KIF2C: variants seen among roughly 807,000 people sequenced by gnomAD.
The protein encoded by KIF2C is kinesin-like protein KIF2C.
In KIF2C, 34 loss-of-function variants were observed where a neutral mutation model predicts 97.4. The ratio of observed to expected loss-of-function variants is 0.35; its 90% CI spans 0.27 to 0.46. The LOEUF is 0.46. Among genes scored for constraint, KIF2C ranks in the 20% least tolerant of loss-of-function variants. KIF2C has a pLI of 1.00. For missense variants in KIF2C, 750 were observed against 907.6 expected (o/e 0.83, Z 2.23); for synonymous variants, 313 against 318.2 (o/e 0.98, Z 0.17).
rs1557604458 is a variant in KIF2C, at chr1:44,767,092, TC to T, written c.2096-3del. 1.2e-6 allele frequency: 2 copies of T among 1,614,026 alleles called. No homozygotes were observed. Among genetic ancestry groups the T allele is most frequent in the Non-Finnish European group, 1.7e-6 (2 of 1,179,940 alleles). ...CCCCATATGTACCGCTACCCTTTCTTCCAGATGTCATCAAGGCCTTGCGCCT... is the reference window on the plus strand; with the variant it reads ...CCCCATATGTACCGCTACCCTTTCTTCAGATGTCATCAAGGCCTTGCGCCT... On this transcript the variant is annotated splice_region_variant and splice_polypyrimidine_tract_variant and intron_variant, in intron 20 of 20. Transcript: ENST00000372224.
intron 4 of KIF2C, among the ~76,000 whole-genome samples, chr1:44,748,987 T>C (rs1649366683): frequency 6.6e-6 from 1 of 151,978 alleles, no homozygotes; most frequent in African/African-American, 2.4e-5. Flanking sequence ...GCTACACAGC[T>C]CATTTTAATG....
chr1:44,751,507 CTTTTT>C (rs58381189), intron 5 of KIF2C, among the ~76,000 whole-genome samples: 236 of 125,654 alleles, frequency 1.9e-3, no homozygotes, highest in African/African-American at 6.4e-3. Flanking sequence ...TCTTTTTGTA[CTTTTT>C]TTTTTTTTTT....
In KIF2C at chr1:44,753,136, C is replaced by G. The variant is rs748814197; in HGVS notation, c.444C>G (p.Ala148=). ...NSRKQFSVPP[A]PTRPSCPAVA... is the part of the protein sequence containing the mutation. ...GTGACTCTTGTTCCCCTACAGCTGC[C>G]CCCACTAGGCCTTCCTGCCCTGCAG... Residue 148 remains alanine, a synonymous_variant, in exon 6 of 21, where the codon GCC becomes GCG. Transcript: ENST00000372224. The G allele has an allele frequency of 1.2e-6, 2 of 1,611,360 alleles. No individual in the cohort carries two copies. The highest frequency in any genetic ancestry group is 1.7e-6 in the Non-Finnish European group (2 of 1,178,422).
At chr1:44,754,689 A>T in intron 7 of KIF2C, 61 bp from the exon 8 acceptor site, 1 of 940,498 alleles carries the variant, frequency 1.1e-6, no homozygotes, top group Non-Finnish European at 1.8e-6. Context: ...GCTGCCGCAT[A>T]GGGGTCTGAG....
intron 7 of KIF2C, 125 bp downstream of exon 7, chr1:44,753,958 CTTTTTTT>C (rs34685023): frequency 2.6e-3 from 178 of 67,860 alleles, no homozygotes; most frequent in East Asian, 0.011. Context: ...GGCCCCAATT[CTTTTTTT>C]TTTTTTTTTT....
At chr1:44,762,129 A>T in intron 17 of KIF2C, 146 bp downstream of exon 17, 1 of 868,570 alleles carries the variant, frequency 1.2e-6, no homozygotes, top group South Asian at 1.4e-5. Context: ...TTCCGCCGTG[A>T]TGCTAGGTCT....
At chr1:44,741,392 A>G (rs1453161010) in intron 2 of KIF2C, among the ~76,000 whole-genome samples, 1 of 151,852 alleles carries the variant, frequency 6.6e-6, no homozygotes, top group Non-Finnish European at 1.5e-5. Flanking sequence ...AAAAAAAAAA[A>G]AAAAAAAATT....
intron 13 of KIF2C, 41 bp from the exon 14 acceptor site, chr1:44,759,165 G>C: frequency 1.9e-6 from 3 of 1,611,682 alleles, no homozygotes; most frequent in Admixed American, 1.7e-5. Context: ...GGGGTGCCGG[G>C]TGCCCAGTGG....
chr1:44,762,817 C>T (rs1650239395), intron 19 of KIF2C, among the ~76,000 whole-genome samples, 159 bp downstream of exon 19: 1 of 152,186 alleles, frequency 6.6e-6, no homozygotes, highest in African/African-American at 2.4e-5. Flanking sequence ...CCTGTTAACC[C>T]AGCTGTTCTT....
intron 2 of KIF2C, among the ~76,000 whole-genome samples, chr1:44,741,462 A>T (rs1247125662): frequency 6.6e-6 from 1 of 151,350 alleles, no homozygotes; most frequent in Non-Finnish European, 1.5e-5. Flanking sequence ...GGTCTGGAGG[A>T]TTGCTTGAGC....
chr1:44,761,977 C>T lies in KIF2C; in HGVS notation c.1745C>T (p.Ala582Val). 3.1e-6 allele frequency: 5 copies of T among 1,613,656 alleles called. No individual in the cohort carries two copies. The highest frequency in any genetic ancestry group is 4.2e-6 in the Non-Finnish European group (5 of 1,179,584). The change falls in exon 17 of 21, where the codon GCA becomes GTA. Residue 582 changes from alanine to valine, a missense_variant. Transcript: ENST00000372224. ...CEYTLNTLRY[A>V]DRVKELSPHS... Reference sequence around the variant, plus strand: ...TATACTTTAAACACCCTGAGATATGCAGACAGGTACTAGTACCTACAGCTA... The same window carrying T: ...TATACTTTAAACACCCTGAGATATGTAGACAGGTACTAGTACCTACAGCTA...
chr1:44,758,035 G>C lies in KIF2C; in HGVS notation c.1133-14G>C, dbSNP rs762057267. ...AAAGGCAGGTTGTTTGCTTAGCAAA[G>C]TTCTCTCCCTCAGCCCGGGACGTCT... On this transcript the variant is annotated splice_polypyrimidine_tract_variant and intron_variant, in intron 12 of 20. Transcript: ENST00000372224. 6 of 1,614,202 alleles carry C rather than the reference G, an allele frequency of 3.7e-6. No individual in the cohort carries two copies. The Admixed American group carries it at 1.0e-4, about 27-fold the overall frequency.
At chr1:44,740,582 A>T (rs1056792876) in intron 1 of KIF2C, among the ~76,000 whole-genome samples, 2 of 152,268 alleles carry the variant, frequency 1.3e-5, no homozygotes, top group East Asian at 3.9e-4. Flanking sequence ...AGTTCATCTA[A>T]GGGTTGTGGG....
intron 3 of KIF2C, 70 bp downstream of exon 3, chr1:44,747,555 T>C (rs1649273650): frequency 6.4e-7 from 1 of 1,570,788 alleles, no homozygotes; most frequent in East Asian, 2.2e-5. Flanking sequence ...TCTTTGCTGA[T>C]TGATTGTCTG....
At chr1:44,763,855 G>A (rs1273886041) in intron 19 of KIF2C, among the ~76,000 whole-genome samples, 5 of 152,094 alleles carry the variant, frequency 3.3e-5, no homozygotes, top group East Asian at 3.9e-4. Context: ...CCAACGTGGC[G>A]AAACCCCATG....
intron 2 of KIF2C, among the ~76,000 whole-genome samples, chr1:44,746,988 C>A (rs965343005): frequency 1.3e-5 from 2 of 151,816 alleles, no homozygotes; most frequent in African/African-American, 4.8e-5. Flanking sequence ...ACCTCCGCCT[C>A]CTGGATTCCA....
chr1:44,760,847 C>T lies in KIF2C; in HGVS notation c.1683+145C>T, dbSNP rs746783911. 2 of 651,096 alleles carry T rather than the reference C, an allele frequency of 3.1e-6. No individual in the cohort carries two copies. Among genetic ancestry groups the T allele is most frequent in the Non-Finnish European group, 5.4e-6 (2 of 367,718 alleles). 40.3% of individuals were successfully genotyped at this position (651,096 alleles called of 1,614,324 possible). On this transcript the variant is annotated intron_variant, in intron 16 of 20. Transcript: ENST00000372224. The surrounding 1 kb of genome is among the most constrained non-coding windows in gnomAD (Gnocchi z 4.2). ...CTGTACCGTGACTGGGCTTCCAGAC[C>T]CTGCTTTAATGCACGAGACTCCTTG...
At chr1:44,758,215 T>C (rs1156904095) in intron 13 of KIF2C, 75 bp downstream of exon 13, 9 of 1,362,934 alleles carry the variant, frequency 6.6e-6, no homozygotes, top group Middle Eastern at 1.9e-4. Context: ...GGCTAGAAGT[T>C]GAGGCCAAAA....
At chr1:44,747,730 T>C (rs372351228) in intron 4 of KIF2C, 30 bp downstream of exon 4, 7 of 1,593,494 alleles carry the variant, frequency 4.4e-6, no homozygotes, top group Middle Eastern at 1.7e-4. Context: ...CTTACTATCA[T>C]GGAATTTGTG....
Sources: allele counts gnomAD v4.1 joint callset (sites outside exome capture counted in the v4.1 genomes callset), GRCh38; gene constraint gnomAD v4.1.1; non-coding constraint Gnocchi (gnomAD v3.1); transcripts MANE v1.5; gene names NCBI Gene and HGNC (gene_info 2026-07-23, HGNC 2026-07-21).